The following RBFOX3 variants were observed in gnomAD, a reference collection of about 807,000 sequenced individuals.
The protein encoded by RBFOX3 is RNA binding fox-1 homolog 3, also known as RNA binding protein fox-1 homolog 3.
RBFOX3 carries 17 observed loss-of-function variants against 48.7 expected under a neutral mutation model. The ratio of observed to expected loss-of-function variants is 0.35; its 90% CI spans 0.24 to 0.52. The LOEUF (loss-of-function observed/expected upper bound fraction) is 0.52, where lower values mean the gene tolerates loss of function less well. Ranked by LOEUF, RBFOX3 falls within the 20% of genes least tolerant of loss-of-function variation. The probability of loss-of-function intolerance (pLI) is 0.94; values close to 1 mark genes in which losing one functional copy is unlikely to be tolerated. For missense variants in RBFOX3, 382 were observed against 497.5 expected, an observed-to-expected ratio of 0.77 and a Z score of 2.21; for synonymous variants, 212 against 209.5, an observed-to-expected ratio of 1.01 and a Z score of -0.10.
At chr17:79,273,208 G>C (rs1251870495) in intron 3 of RBFOX3, among the ~76,000 whole-genome samples, 1 of 152,144 alleles carries the variant, frequency 6.6e-6, no homozygotes, top group Non-Finnish European at 1.5e-5. Flanking sequence ...GCAGCAATCT[G>C]AGTCAACCCT....
chr17:79,196,114 G>A (rs761821996), intron 4 of RBFOX3, among the ~76,000 whole-genome samples: 1 of 152,198 alleles, frequency 6.6e-6, no homozygotes, highest in Non-Finnish European at 1.5e-5. Context: ...CCAGGGTAGA[G>A]GAGTGTCCCA....
chr17:79,616,197 G>A, the RBFOX3 span, among the ~76,000 whole-genome samples: 5 of 152,122 alleles, frequency 3.3e-5, no homozygotes, highest in African/African-American at 1.2e-4. Flanking sequence ...GTCCAACAGA[G>A]TAAATTATAA....
At chr17:79,540,047 A>G (rs1346922922) in intron 1 of RBFOX3, among the ~76,000 whole-genome samples, 2 of 152,174 alleles carry the variant, frequency 1.3e-5, no homozygotes, top group East Asian at 3.9e-4. Flanking sequence ...CAGCTTCACA[A>G]ATCTCTGCCA....
chr17:79,552,061 G>A (rs1050324124), intron 1 of RBFOX3, among the ~76,000 whole-genome samples: 88 of 152,298 alleles, frequency 5.8e-4, no homozygotes, highest in African/African-American at 1.9e-3. Flanking sequence ...TGATGCTGAC[G>A]TTGGTCCAAG....
chr17:79,291,629 A>G (rs551720319), intron 3 of RBFOX3, among the ~76,000 whole-genome samples: 1 of 152,174 alleles, frequency 6.6e-6, no homozygotes, highest in East Asian at 1.9e-4. Flanking sequence ...CAGAGCCGGA[A>G]TGGCTCACTG....
intron 4 of RBFOX3, among the ~76,000 whole-genome samples, chr17:79,211,930 G>A (rs1015464285): frequency 1.3e-5 from 2 of 152,206 alleles, no homozygotes; most frequent in Admixed American, 6.5e-5. Flanking sequence ...GGGGATACGT[G>A]GGGGGGAACA....
chr17:79,484,563 AG>A (rs1405472612), intron 1 of RBFOX3, among the ~76,000 whole-genome samples: 1 of 133,502 alleles, frequency 7.5e-6, no homozygotes, highest in African/African-American at 2.8e-5. Context: ...GCCTGGGTGC[AG>A]GGGGCCTGGG....
At chr17:79,278,303 C>A (rs1448219856) in intron 3 of RBFOX3, among the ~76,000 whole-genome samples, 2 of 152,200 alleles carry the variant, frequency 1.3e-5, no homozygotes, top group Admixed American at 1.3e-4. Context: ...GGGCCTCTGC[C>A]CCCCTCCTCA....
chr17:79,643,852 A>C, the RBFOX3 span, among the ~76,000 whole-genome samples: 1 of 152,088 alleles, frequency 6.6e-6, no homozygotes, highest in African/African-American at 2.4e-5. Flanking sequence ...TCTCAAATTA[A>C]TGAACTAAGC....
intron 1 of RBFOX3, among the ~76,000 whole-genome samples, chr17:79,538,835 T>C (rs1193006883): frequency 1.3e-5 from 2 of 152,080 alleles, no homozygotes; most frequent in South Asian, 2.1e-4. Flanking sequence ...ACCTCAACAC[T>C]GTATGTAAAG....
At chr17:79,567,874 A>G (rs935713733) in intron 1 of RBFOX3, among the ~76,000 whole-genome samples, 5 of 152,192 alleles carry the variant, frequency 3.3e-5, no homozygotes, top group African/African-American at 7.2e-5. Context: ...AATTCAACAC[A>G]TTCAGAATTT....
chr17:79,490,873 G>A (rs912308887), intron 1 of RBFOX3, among the ~76,000 whole-genome samples: 12 of 150,986 alleles, frequency 7.9e-5, no homozygotes, highest in Non-Finnish European at 1.5e-4. Context: ...CACACCCCAG[G>A]TGCTAAGCAA....
chr17:79,292,751 G>T (rs897690300), intron 3 of RBFOX3, among the ~76,000 whole-genome samples: 2 of 152,220 alleles, frequency 1.3e-5, no homozygotes, highest in East Asian at 3.9e-4. Flanking sequence ...TCTTTCCTCC[G>T]CTCAATTCTG....
intron 4 of RBFOX3, among the ~76,000 whole-genome samples, chr17:79,126,152 C>T (rs1267305377): frequency 1.3e-5 from 2 of 152,214 alleles, no homozygotes; most frequent in Admixed American, 6.5e-5. Flanking sequence ...ACTTCCTGGA[C>T]GCGTCTGCCA....
At chr17:79,313,947 C>T (rs2077191029) in intron 2 of RBFOX3, among the ~76,000 whole-genome samples, 1 of 152,208 alleles carries the variant, frequency 6.6e-6, no homozygotes, top group African/African-American at 2.4e-5. Flanking sequence ...TCCTCACTTG[C>T]ATGTCCGGCT....
chr17:79,492,732 A>G (rs2149617724), intron 1 of RBFOX3, among the ~76,000 whole-genome samples: 1 of 152,364 alleles, frequency 6.6e-6, no homozygotes, highest in East Asian at 1.9e-4. Context: ...AGCAATAGAT[A>G]ACATAGGGAT....
chr17:79,424,119 A>G (rs919574255), intron 2 of RBFOX3: 2 of 152,334 alleles, frequency 1.3e-5, no homozygotes, highest in African/African-American at 2.4e-5. Context: ...TCTCCTGCTC[A>G]CAGCAGAAGC....
At chr17:79,665,536 G>A in the RBFOX3 span, among the ~76,000 whole-genome samples, 2 of 152,054 alleles carry the variant, frequency 1.3e-5, no homozygotes, top group African/African-American at 2.4e-5. Flanking sequence ...GGGGCCTTGT[G>A]CCTCTGGCTC....
intron 4 of RBFOX3, among the ~76,000 whole-genome samples, chr17:79,219,950 C>T (rs1173589785): frequency 2.0e-5 from 3 of 151,960 alleles, no homozygotes; most frequent in Non-Finnish European, 2.9e-5. Flanking sequence ...TGTCCCAGCC[C>T]CACCGTCTGC....
Sources: allele counts gnomAD v4.1 joint callset (sites outside exome capture counted in the v4.1 genomes callset), GRCh38; gene constraint gnomAD v4.1.1; transcripts MANE v1.5; gene names NCBI Gene and HGNC (gene_info 2026-07-23, HGNC 2026-07-21).